PCDHA6: variants seen among roughly 807,000 people sequenced by gnomAD.
The protein encoded by PCDHA6 is protocadherin alpha-6.
PCDHA6 carries 55 observed loss-of-function variants against 60.3 expected under a neutral mutation model. The observed-to-expected ratio is 0.91, with a 90% CI of 0.73 to 1.14. The LOEUF (loss-of-function observed/expected upper bound fraction) is 1.14, where lower values mean the gene tolerates loss of function less well. PCDHA6 is among the 50% of genes most tolerant of loss of function. PCDHA6 has a pLI of 0.00. For missense variants in PCDHA6, 1,327 were observed against 1,256.5 expected (o/e 1.06, Z -0.85); for synonymous variants, 652 against 557.9 (o/e 1.17, Z -2.38).
chr5:140,871,272 G>A, intron 1 of PCDHA6: 2 of 1,613,942 alleles, frequency 1.2e-6, no homozygotes, highest in South Asian at 2.2e-5. Flanking sequence ...TGTGGTGGTC[G>A]GCAACGCCCA....
At chr5:140,887,263 A>AT (rs1336620900) in intron 1 of PCDHA6, among the ~76,000 whole-genome samples, 1 of 151,790 alleles carries the variant, frequency 6.6e-6, no homozygotes, top group Non-Finnish European at 1.5e-5. Flanking sequence ...CGCCCTGCTA[A>AT]TTTTTTGTAT....
chr5:140,985,226 C>T (rs1319001576), intron 3 of PCDHA6, among the ~76,000 whole-genome samples: 6 of 152,126 alleles, frequency 3.9e-5, no homozygotes, highest in Admixed American at 6.5e-5. Flanking sequence ...CGTGAGCCAC[C>T]GCGCCTGGCC....
intron 1 of PCDHA6, chr5:140,851,257 T>A: frequency 9.2e-7 from 1 of 1,087,842 alleles, no homozygotes; most frequent in East Asian, 4.1e-5. Context: ...GCATAGTATT[T>A]TAGTCTACTT....
intron 1 of PCDHA6, among the ~76,000 whole-genome samples, chr5:140,878,601 T>A (rs1409343825): frequency 6.6e-6 from 1 of 152,224 alleles, no homozygotes; most frequent in African/African-American, 2.4e-5. Flanking sequence ...ACCAAGTGAA[T>A]CTTCTAATGT....
intron 3 of PCDHA6, among the ~76,000 whole-genome samples, chr5:141,005,573 G>A (rs947306752): frequency 4.0e-5 from 6 of 151,140 alleles, no homozygotes; most frequent in Admixed American, 1.3e-4. Context: ...ATGGTGGCGC[G>A]TGCCTGTAGT....
At chr5:140,842,856 C>T (rs782295377) in intron 1 of PCDHA6, 1 of 1,593,922 alleles carries the variant, frequency 6.3e-7, no homozygotes, top group African/African-American at 1.3e-5. Context: ...TCGGTGCACA[C>T]GGAGAGCGGC....
chr5:140,863,334 G>T (rs782071935), intron 1 of PCDHA6: 24 of 1,387,574 alleles, frequency 1.7e-5, no homozygotes, highest in South Asian at 5.7e-5. Flanking sequence ...TAGTGCTCAC[G>T]TTGCTGCTGT....
At chr5:140,849,768 G>A (rs1306922979) in intron 1 of PCDHA6, 2 of 1,598,386 alleles carry the variant, frequency 1.3e-6, no homozygotes, top group African/African-American at 2.7e-5. Flanking sequence ...CGAGCTGGTG[G>A]TTACCGCGCG....
intron 1 of PCDHA6, chr5:140,868,434 C>A (rs1581841717): frequency 6.6e-6 from 1 of 152,092 alleles, no homozygotes; most frequent in East Asian, 1.9e-4. Context: ...GAGAATAGAT[C>A]ATGTGGAACA....
intron 1 of PCDHA6, chr5:140,927,991 G>T: frequency 6.2e-7 from 1 of 1,614,202 alleles, no homozygotes; most frequent in Non-Finnish European, 8.5e-7. Flanking sequence ...TGTAAAGGAT[G>T]AAGACCTCGA....
At chr5:140,979,704 T>C (rs1430662594) in intron 2 of PCDHA6, among the ~76,000 whole-genome samples, 1 of 152,246 alleles carries the variant, frequency 6.6e-6, no homozygotes, top group Non-Finnish European at 1.5e-5. Context: ...TTTCTGGAGG[T>C]GATCCAGTAT....
At chr5:140,991,022 C>T (rs1324609159) in intron 3 of PCDHA6, among the ~76,000 whole-genome samples, 1 of 152,164 alleles carries the variant, frequency 6.6e-6, no homozygotes, top group Non-Finnish European at 1.5e-5. Flanking sequence ...AAGCACTTTA[C>T]ATATGTTGCA....
chr5:140,968,234 A>T (rs1426230655), intron 1 of PCDHA6: 1 of 1,613,870 alleles, frequency 6.2e-7, no homozygotes, highest in Non-Finnish European at 8.5e-7. Flanking sequence ...GTTGCTCTGT[A>T]CTGTGCAAGC....
At chr5:140,923,287 A>G (rs1554201330) in intron 1 of PCDHA6, among the ~76,000 whole-genome samples, 1 of 152,224 alleles carries the variant, frequency 6.6e-6, no homozygotes, top group Non-Finnish European at 1.5e-5. Context: ...AAAAATTAAA[A>G]ATTAGCTGGG....
intron 2 of PCDHA6, among the ~76,000 whole-genome samples, chr5:140,981,648 C>T (rs1294806137): frequency 6.6e-6 from 1 of 152,020 alleles, no homozygotes; most frequent in Non-Finnish European, 1.5e-5. Context: ...TCTTAGGATC[C>T]CACTTATTTC....
At chr5:140,843,662 G>T in intron 1 of PCDHA6, 1 of 1,593,858 alleles carries the variant, frequency 6.3e-7, no homozygotes, top group South Asian at 1.1e-5. Flanking sequence ...TCCTGATCTG[G>T]GATCAGTTGA....
chr5:140,977,864 GGTAAGTATAAT>G (rs1175044090), intron 1 of PCDHA6, among the ~76,000 whole-genome samples: 1 of 152,140 alleles, frequency 6.6e-6, no homozygotes, highest in Non-Finnish European at 1.5e-5. Context: ...TACCAAATAT[GGTAAGTATAAT>G]GTAGAGGAAA....
Position 140,830,509 on chromosome 5 carries a change from A to G in PCDHA6, c.2394+24A>G, listed in dbSNP as rs1039294822. ...AAGTAAGTGAATTTTCATAATTAAC[A>G]GTTAATTTTTATTTTAAATTTATAA... On this transcript the variant is annotated intron_variant, in intron 1 of 3. Coordinates refer to ENST00000529310, the MANE Select transcript of PCDHA6 (RefSeq NM_018909.4). 2.8e-6 allele frequency: 4 copies of G among 1,410,936 alleles called. 1 individual carries two copies. Among genetic ancestry groups the G allele is most frequent in the Non-Finnish European group, 1.9e-6 (2 of 1,059,252 alleles). The allele number at this position is 1,410,936 out of a possible 1,614,324, so 87.4% of individuals were successfully genotyped here. A position where few individuals can be genotyped will look rare whatever the true frequency, so the allele number is the denominator to read the frequency against.
At position 140,969,226 on chromosome 5, in the gene PCDHA6, G is replaced by A. The variant is rs145631723; in HGVS notation, c.2395-9723G>A. 3.9e-4 allele frequency: 622 copies of A among 1,614,150 alleles called. 3 individuals are homozygous for A. The African/African-American group carries it at 5.9e-3, about 15-fold the overall frequency. On this transcript the variant is annotated intron_variant, in intron 1 of 3. Transcript: ENST00000529310. Reference sequence around the variant, plus strand: ...GGGCCCAGACAGGACCAGGGCCTTCGGGAGCCCAAGCAGCAGTGACTGACA... The same window carrying A: ...GGGCCCAGACAGGACCAGGGCCTTCAGGAGCCCAAGCAGCAGTGACTGACA...
Sources: gnomAD v4.1 joint callset for allele counts (sites outside exome capture counted in the v4.1 genomes callset) on GRCh38, gnomAD v4.1.1 for gene constraint, MANE v1.5 for transcripts, NCBI Gene and HGNC (gene_info 2026-07-23, HGNC 2026-07-21) for gene names.